Variants in ACTR3C observed in about 807,000 individuals in gnomAD.
The protein encoded by ACTR3C is actin related protein 3C, also known as actin-related protein 3C.
ACTR3C carries 18 observed loss-of-function variants against 26.3 expected under a neutral mutation model. The observed-to-expected ratio is 0.68, with a 90% CI of 0.47 to 1.01. The LOEUF is 1.01. Ranked by LOEUF, ACTR3C falls within the 50% of genes least tolerant of loss-of-function variation. The pLI is 0.00. For missense variants in ACTR3C, 184 were observed against 250.7 expected (o/e 0.73, Z 1.80); for synonymous variants, 55 against 94.5 (o/e 0.58, Z 2.42).
At chr7:150,001,871 G>C in the ACTR3C span, 1 of 151,928 alleles carries the variant, frequency 6.6e-6, no homozygotes, top group Non-Finnish European at 1.5e-5. Flanking sequence ...AAGTAGAAAG[G>C]GAGGCAAGAG....
the ACTR3C span, among the ~76,000 whole-genome samples, chr7:149,975,100 C>T: frequency 6.6e-6 from 1 of 152,180 alleles, no homozygotes; most frequent in Admixed American, 6.5e-5. Flanking sequence ...ACATGTCCCC[C>T]CAGTGCACCT....
the ACTR3C span, among the ~76,000 whole-genome samples, chr7:150,079,026 G>T: frequency 6.6e-6 from 1 of 152,166 alleles, no homozygotes. Context: ...ACTGCATCGT[G>T]AGCCTTCATC....
chr7:149,891,661 C>CA, the ACTR3C span, among the ~76,000 whole-genome samples: 4 of 150,844 alleles, frequency 2.7e-5, no homozygotes, highest in Admixed American at 6.6e-5. Context: ...ACTGTCTCTA[C>CA]AAAAAATTAA....
the ACTR3C span, among the ~76,000 whole-genome samples, chr7:150,117,409 G>A: frequency 6.3e-4 from 96 of 152,188 alleles, no homozygotes; most frequent in African/African-American, 2.0e-3. Context: ...AGGGGTGATC[G>A]CCATTACTGA....
chr7:150,149,726 T>G, the ACTR3C span, among the ~76,000 whole-genome samples: 3 of 152,118 alleles, frequency 2.0e-5, no homozygotes, highest in Non-Finnish European at 2.9e-5. Context: ...TGAACTAGTG[T>G]TTTTAAATGC....
At chr7:150,038,396 G>A in the ACTR3C span, among the ~76,000 whole-genome samples, 8 of 141,916 alleles carry the variant, frequency 5.6e-5, no homozygotes, top group South Asian at 2.2e-4. Flanking sequence ...CGGGTGGGCT[G>A]CCAGAAGATT....
chr7:150,039,584 A>C, the ACTR3C span, among the ~76,000 whole-genome samples: 102 of 131,106 alleles, frequency 7.8e-4, no homozygotes, highest in South Asian at 0.024. Flanking sequence ...CAGTAATCCC[A>C]CGTAAGGTAC....
chr7:150,213,629 A>C, the ACTR3C span, among the ~76,000 whole-genome samples: 1 of 152,182 alleles, frequency 6.6e-6, no homozygotes, highest in Non-Finnish European at 1.5e-5. Context: ...GAAATGCCCC[A>C]GGAGGGGGAA....
intron 5 of ACTR3C, 80 bp downstream of exon 5, chr7:150,286,287 T>A: frequency 2.0e-6 from 3 of 1,483,816 alleles, no homozygotes; most frequent in Non-Finnish European, 2.7e-6. Flanking sequence ...GGCCCTTCGC[T>A]GGGAACTGCT....
chr7:150,248,939 T>C lies in ACTR3C; in HGVS notation c.*38+9A>G. ...AGCCTAGAATTAAAAATGAAAATCA[T>C]GAGAATACCTCAAATAAAAGGCTAC... is the stretch of plus-strand genomic sequence containing the variant. On this transcript the variant is annotated intron_variant, in intron 7 of 7. Coordinates refer to ENST00000683684, the MANE Select transcript of ACTR3C (RefSeq NM_001164458.2). The C allele has an allele frequency of 5.6e-6, 3 of 540,012 alleles. No homozygotes were observed. The African/African-American group carries it at 5.8e-5, about 10-fold the overall frequency. 33.5% of individuals were successfully genotyped at this position (540,012 alleles called of 1,614,324 possible).
chr7:150,113,188 C>T, the ACTR3C span, among the ~76,000 whole-genome samples: 2 of 150,728 alleles, frequency 1.3e-5, no homozygotes, highest in South Asian at 2.1e-4. Flanking sequence ...GCTGCTCCTA[C>T]GTCAATTTCC....
the ACTR3C span, among the ~76,000 whole-genome samples, chr7:150,154,435 GC>G: frequency 6.6e-6 from 1 of 151,616 alleles, no homozygotes; most frequent in Non-Finnish European, 1.5e-5. Context: ...ATTACATAGG[GC>G]GATTTGTTGG....
the ACTR3C span, among the ~76,000 whole-genome samples, chr7:149,994,291 C>T: frequency 4.1e-4 from 63 of 152,186 alleles, no homozygotes; most frequent in African/African-American, 1.5e-3. Flanking sequence ...AATGAGGGGT[C>T]CCCACAGAAA....
At chr7:149,947,478 C>G in the ACTR3C span, among the ~76,000 whole-genome samples, 3 of 100,316 alleles carry the variant, frequency 3.0e-5, no homozygotes, top group East Asian at 4.5e-4. Context: ...TGCTGGGGGA[C>G]CAGCTCCAGA....
intron 1 of ACTR3C, among the ~76,000 whole-genome samples, chr7:150,301,090 A>C (rs920898906): frequency 2.8e-4 from 43 of 152,378 alleles, no homozygotes; most frequent in South Asian, 4.1e-4. Context: ...GGCTGGGCAC[A>C]TAGAAGTACT....
At chr7:150,208,957 C>T in the ACTR3C span, among the ~76,000 whole-genome samples, 1,017 of 151,906 alleles carry the variant, frequency 6.7e-3, 13 homozygotes, top group African/African-American at 0.023. Flanking sequence ...AGACCCAAAT[C>T]AAAATCCTAG....
chr7:150,019,631 A>ATAATAATAG, the ACTR3C span, among the ~76,000 whole-genome samples: 1 of 148,794 alleles, frequency 6.7e-6, no homozygotes, highest in African/African-American at 2.5e-5. Context: ...AATAATAATA[A>ATAATAATAG]TAAAATCTAT....
chr7:149,938,392 G>A, the ACTR3C span, among the ~76,000 whole-genome samples: 2 of 152,072 alleles, frequency 1.3e-5, no homozygotes, highest in Admixed American at 1.3e-4. Context: ...CTGTTTCTTA[G>A]GAATAGCCTC....
chr7:149,953,061 T>C, the ACTR3C span, among the ~76,000 whole-genome samples: 1 of 150,556 alleles, frequency 6.6e-6, no homozygotes, highest in Non-Finnish European at 1.5e-5. Context: ...GGAGACTATC[T>C]AGTAGCTAAA....
Sources: gnomAD v4.1 joint callset for allele counts (sites outside exome capture counted in the v4.1 genomes callset) on GRCh38, gnomAD v4.1.1 for gene constraint, MANE v1.5 for transcripts, NCBI Gene and HGNC (gene_info 2026-07-23, HGNC 2026-07-21) for gene names.